Variants in SLCO2A1 observed in about 807,000 individuals in gnomAD.
SLCO2A1 encodes solute carrier organic anion transporter family member 2A1, also known as matrin F/G 1.
In SLCO2A1, 60 loss-of-function variants were observed where a neutral mutation model predicts 71.7. The observed-to-expected ratio is 0.84, with a 90% CI of 0.68 to 1.04. The LOEUF is 1.04. SLCO2A1 is among the 50% of genes least tolerant of loss of function. SLCO2A1 has a pLI of 0.00. For synonymous variants in SLCO2A1, 308 were observed against 326.7 expected (o/e 0.94, Z 0.62); for missense variants, 745 against 813.4 (o/e 0.92, Z 1.02).
Position 133,983,221 on chromosome 3 carries a change from C to T in SLCO2A1, c.97-3603G>A, listed in dbSNP as rs374632401. On this transcript the variant is annotated intron_variant, in intron 1 of 13. Coordinates refer to ENST00000310926, the MANE Select transcript of SLCO2A1 (RefSeq NM_005630.3). ...CTTTCTCCCTTGAGACCCTTAGTAC[C>T]CCGACATTACATCATAAGGAAGCCC... 1.4e-4 allele frequency among the ~76,000 whole-genome samples: 21 copies of T among 152,228 alleles called. 1 individual carries two copies. The highest frequency in any genetic ancestry group is 3.3e-4 in the Admixed American group (5 of 15,302).
chr3:133,997,988 G>A (rs1184991795), intron 1 of SLCO2A1, among the ~76,000 whole-genome samples: 1 of 152,222 alleles, frequency 6.6e-6, no homozygotes, highest in Admixed American at 6.5e-5. Flanking sequence ...CTTGCTCACG[G>A]TGCCGGGGAG....
intron 1 of SLCO2A1, among the ~76,000 whole-genome samples, chr3:134,010,377 T>A (rs930727407): frequency 1.3e-5 from 2 of 152,060 alleles, no homozygotes; most frequent in African/African-American, 4.8e-5. Context: ...GCAAGGCATA[T>A]CTTCATAAGG....
intron 3 of SLCO2A1, among the ~76,000 whole-genome samples, chr3:133,970,734 A>C (rs1172388899): frequency 1.3e-5 from 2 of 152,126 alleles, no homozygotes; most frequent in Non-Finnish European, 2.9e-5. Context: ...ACTGAGGGAG[A>C]CTGCTGTGCC....
chr3:134,005,188 T>C (rs116227016), intron 1 of SLCO2A1, among the ~76,000 whole-genome samples: 1,628 of 152,368 alleles, frequency 0.011, 38 homozygotes, highest in African/African-American at 0.037. Context: ...TTCTGTATAT[T>C]CGTCCCTCGT....
intron 1 of SLCO2A1, among the ~76,000 whole-genome samples, chr3:133,995,361 T>A (rs548141788): frequency 6.6e-6 from 1 of 152,260 alleles, no homozygotes; most frequent in Non-Finnish European, 1.5e-5. Flanking sequence ...CTCCTCCCCC[T>A]GTCACTGAGC....
chr3:133,942,409 C>G (rs1044947149), intron 11 of SLCO2A1, 196 bp downstream of exon 11: 1 of 591,530 alleles, frequency 1.7e-6, no homozygotes, highest in Middle Eastern at 4.6e-4. Context: ...ACAGAGCCTC[C>G]CTGGGCAGGG....
At position 133,934,603 on chromosome 3, in the gene SLCO2A1, T is replaced by C. The variant is rs940862266; in HGVS notation, c.*110A>G. Reference sequence around the variant, plus strand: ...GGCAAATGAGGACTGGGGTTTTCTTTCTTGTTTAAAAATACAAAAAGGAAA... The same window carrying C: ...GGCAAATGAGGACTGGGGTTTTCTTCCTTGTTTAAAAATACAAAAAGGAAA... On this transcript the variant is annotated 3_prime_UTR_variant, in exon 14 of 14. Coordinates refer to ENST00000310926, the MANE Select transcript of SLCO2A1 (RefSeq NM_005630.3). 3.7e-6 allele frequency: 3 copies of C among 817,452 alleles called. No individual in the cohort carries two copies. In the African/African-American group the frequency reaches 5.1e-5, roughly 14 times the overall value. The allele number at this position is 817,452 out of a possible 1,614,324, so 50.6% of individuals were successfully genotyped here. A position where few individuals can be genotyped will look rare whatever the true frequency, so the allele number is the denominator to read the frequency against.
intron 1 of SLCO2A1, among the ~76,000 whole-genome samples, chr3:133,988,463 T>G (rs559298092): frequency 2.6e-5 from 4 of 152,332 alleles, no homozygotes; most frequent in Admixed American, 1.3e-4. Context: ...ATTTCTTGAA[T>G]GTATTTGATC....
chr3:134,028,283 C>G (rs1576466166), intron 1 of SLCO2A1, among the ~76,000 whole-genome samples: 2 of 152,116 alleles, frequency 1.3e-5, no homozygotes. Flanking sequence ...AATCCTAGTC[C>G]CTACCCTTTC....
intron 3 of SLCO2A1, among the ~76,000 whole-genome samples, chr3:133,965,835 G>T (rs1348915217): frequency 6.6e-6 from 1 of 152,094 alleles, no homozygotes; most frequent in African/African-American, 2.4e-5. Flanking sequence ...AAGGCTCTGG[G>T]CTATGTGATG....
chr3:133,939,239 T>TCCTC (rs1933355340), intron 11 of SLCO2A1, among the ~76,000 whole-genome samples: 1 of 152,086 alleles, frequency 6.6e-6, no homozygotes, highest in Admixed American at 6.5e-5. Context: ...GAGGAAAATG[T>TCCTC]GTTTGGCTGA....
In SLCO2A1 at chr3:133,948,592, T is replaced by C. The variant is rs545559895; in HGVS notation, c.1049A>G (p.Asn350Ser). 3.1e-6 allele frequency: 5 copies of C among 1,614,024 alleles called. No individual in the cohort carries two copies. Among genetic ancestry groups the C allele is most frequent in the African/African-American group, 1.3e-5 (1 of 74,996 alleles). The change falls in exon 8 of 14, where the codon AAC becomes AGC. Residue 350 changes from asparagine (N) to serine (S), a missense_variant. By Grantham distance (46) the Asn-to-Ser change is conservative. Transcript: ENST00000310926. ...SVIAGLSTFLNKFLEKQYGTS... is the reference protein window; with the variant it reads ...SVIAGLSTFLSKFLEKQYGTS... ...GCCATACTGCTTCTCCAGGAACTTG[T>C]TGAGGAAGGTGGAGAGGCCAGCAAT...
chr3:133,980,190 G>A (rs1288925229), intron 1 of SLCO2A1, among the ~76,000 whole-genome samples: 3 of 152,230 alleles, frequency 2.0e-5, no homozygotes, highest in South Asian at 2.1e-4. Context: ...AAAGCACCTG[G>A]TTTGAATGAA....
intron 3 of SLCO2A1, among the ~76,000 whole-genome samples, chr3:133,966,407 C>T (rs923708983): frequency 6.6e-6 from 1 of 152,148 alleles, no homozygotes; most frequent in African/African-American, 2.4e-5. Flanking sequence ...ATGAGACAGA[C>T]AAGAGCAGGT....
intron 1 of SLCO2A1, among the ~76,000 whole-genome samples, chr3:133,994,681 C>T (rs1025144185): frequency 5.9e-5 from 9 of 152,252 alleles, no homozygotes; most frequent in African/African-American, 1.4e-4. Flanking sequence ...GGGCTTCACA[C>T]TGAAGTCTGC....
At chr3:133,974,373 C>G (rs1934402854) in intron 2 of SLCO2A1, among the ~76,000 whole-genome samples, 1 of 152,158 alleles carries the variant, frequency 6.6e-6, no homozygotes, top group African/African-American at 2.4e-5. Context: ...AACTGGGGTT[C>G]AGAATATTAA....
intron 1 of SLCO2A1, among the ~76,000 whole-genome samples, chr3:133,998,022 A>G (rs956098873): frequency 2.0e-5 from 3 of 152,128 alleles, no homozygotes; most frequent in Admixed American, 2.0e-4. Context: ...TATGCCAGGG[A>G]TCGCTCATCA....
intron 3 of SLCO2A1, among the ~76,000 whole-genome samples, chr3:133,956,208 A>G (rs1933893939): frequency 6.6e-6 from 1 of 152,186 alleles, no homozygotes; most frequent in South Asian, 2.1e-4. Context: ...GCCCTGAGCT[A>G]GGTGAGCCTA....
At chr3:133,992,186 A>C (rs1014620151) in intron 1 of SLCO2A1, among the ~76,000 whole-genome samples, 1 of 152,192 alleles carries the variant, frequency 6.6e-6, no homozygotes, top group African/African-American at 2.4e-5. Context: ...GGAAATCCCA[A>C]ACTGCATAAT....
Sources: gnomAD v4.1 joint callset for allele counts (sites outside exome capture counted in the v4.1 genomes callset) on GRCh38, gnomAD v4.1.1 for gene constraint, MANE v1.5 for transcripts, NCBI Gene and HGNC (gene_info 2026-07-23, HGNC 2026-07-21) for gene names.